CIT: variants seen among roughly 807,000 people sequenced by gnomAD.
The protein encoded by CIT is citron Rho-interacting kinase.
In CIT, 79 loss-of-function variants were observed where a neutral mutation model predicts 272.7. The observed-to-expected ratio is 0.29, with a 90% CI of 0.24 to 0.35. The LOEUF is 0.35. Among genes scored for constraint, CIT ranks in the 10% least tolerant of loss-of-function variants. The pLI is 1.00. For missense variants in CIT, 1,909 were observed against 2,618.3 expected, an observed-to-expected ratio of 0.73 and a Z score of 5.91; for synonymous variants, 948 against 995.6, an observed-to-expected ratio of 0.95 and a Z score of 0.90.
chr12:119,874,253 G>A (rs1432441213), intron 2 of CIT, among the ~76,000 whole-genome samples: 1 of 152,004 alleles, frequency 6.6e-6, no homozygotes, highest in Non-Finnish European at 1.5e-5. Context: ...TATATTTTTA[G>A]TAGAGACAGG....
At position 119,710,337 on chromosome 12, in the gene CIT, T is replaced by G; in HGVS notation, c.4985A>C (p.Lys1662Thr). ...EEGLYALNVL[K>T]NSLTHVPGIG... ...TCCTGGGACATGGGTTAGGGAGTTT[T>G]TCAAGACATTCAGGGCGTAGAGCCC... The change falls in exon 39 of 48, where the codon AAA (lysine) becomes ACA (threonine). Residue 1662 changes from lysine to threonine, a missense_variant. Lys to Thr is a moderately conservative substitution (Grantham distance 78). Transcript: ENST00000392521. The surrounding 1 kb of genome is among the most constrained non-coding windows in gnomAD (Gnocchi z 5.6). The G allele has an allele frequency of 3.1e-6, 5 of 1,614,216 alleles. No homozygotes were observed. Among genetic ancestry groups the G allele is most frequent in the Non-Finnish European group, 4.2e-6 (5 of 1,180,042 alleles).
At chr12:119,706,120 G>A (rs184573983) in intron 40 of CIT, among the ~76,000 whole-genome samples, 3 of 151,630 alleles carry the variant, frequency 2.0e-5, no homozygotes, top group East Asian at 3.9e-4. Context: ...TTGATTGAGC[G>A]GCTGAATGAA....
At chr12:119,780,798 TA>T (rs1593717082) in intron 13 of CIT, among the ~76,000 whole-genome samples, 1 of 152,178 alleles carries the variant, frequency 6.6e-6, no homozygotes, top group Admixed American at 6.5e-5. Flanking sequence ...AGTCATAAAA[TA>T]AATCCTTGTT....
chr12:119,699,442 G>C (rs1956425015), intron 44 of CIT, among the ~76,000 whole-genome samples: 1 of 152,178 alleles, frequency 6.6e-6, no homozygotes, highest in Non-Finnish European at 1.5e-5. Context: ...CTTGTGGCAA[G>C]ACTTGGTATT....
intron 9 of CIT, 79 bp from the exon 10 acceptor site, chr12:119,803,468 G>A: frequency 1.9e-6 from 2 of 1,076,758 alleles, no homozygotes; most frequent in Non-Finnish European, 2.7e-6. Flanking sequence ...GGAGAAGATC[G>A]TCTTACTCCT....
Position 119,832,863 on chromosome 12 carries a change from C to T in CIT, c.661G>A (p.Asp221Asn). The T allele has an allele frequency of 3.1e-6, 5 of 1,612,366 alleles. No individual in the cohort carries two copies. The highest frequency in any genetic ancestry group is 4.2e-6 in the Non-Finnish European group (5 of 1,178,432). Residue 221 changes from aspartate (D) to asparagine (N), a missense_variant and splice_region_variant, in exon 7 of 48, where the codon GAC becomes AAC. This residue lies in a region of CIT where 529 missense variants were observed against 549.6 expected (regional missense o/e 0.96). Transcript: ENST00000392521. Reference protein sequence around the residue: ...SVHLMGYVHRDIKPENILVDR... With the variant: ...SVHLMGYVHRNIKPENILVDR... ...ACGAGAATGTTCTCAGGCTTGATGTCTCTGTAAGAAAATCAGGACCATGAA... is the reference window on the plus strand; with the variant it reads ...ACGAGAATGTTCTCAGGCTTGATGTTTCTGTAAGAAAATCAGGACCATGAA...
intron 17 of CIT, among the ~76,000 whole-genome samples, chr12:119,771,163 G>A (rs1189441954): frequency 6.6e-6 from 1 of 152,184 alleles, no homozygotes; most frequent in Non-Finnish European, 1.5e-5. Context: ...AGGCATCACG[G>A]AAAATACAGA....
rs1955855977 is a variant in CIT, at chr12:119,690,170, G to A, written c.6167C>T (p.Pro2056Leu). Residue 2056 changes from proline (P) to leucine (L), a missense_variant, in exon 47 of 48, where the codon CCG (proline) becomes CTG (leucine). Around this residue, in one of 8 missense-constraint regions of CIT, gnomAD observed 780 missense variants for 1,067.2 expected, o/e 0.73. Coordinates refer to ENST00000392521, the MANE Select transcript of CIT (RefSeq NM_001206999.2). The surrounding 1 kb of genome is among the most constrained non-coding windows in gnomAD (Gnocchi z 6.0). ...GRLPAGAVRT[P>L]LSQVNKVWDQ... ...CCTCACCTTGTTCACCTGGGACAGCGGGGTCCTCACGGCTCCCGCAGGCAG... is the reference window on the plus strand; with the variant it reads ...CCTCACCTTGTTCACCTGGGACAGCAGGGTCCTCACGGCTCCCGCAGGCAG... The A allele has an allele frequency of 5.4e-6, 8 of 1,482,036 alleles. No individual in the cohort carries two copies. The highest frequency in any genetic ancestry group is 7.1e-6 in the Non-Finnish European group (8 of 1,124,564). 91.8% of individuals were successfully genotyped at this position (1,482,036 alleles called of 1,614,324 possible). A position where few individuals can be genotyped will look rare whatever the true frequency, so the allele number is the denominator to read the frequency against.
intron 20 of CIT, among the ~76,000 whole-genome samples, chr12:119,759,251 T>C (rs1156796099): frequency 6.6e-6 from 1 of 152,220 alleles, no homozygotes; most frequent in Non-Finnish European, 1.5e-5. Context: ...CTGCCTGAGC[T>C]CTACCTCCTG....
At chr12:119,860,675 G>A (rs1950309429) in intron 3 of CIT, among the ~76,000 whole-genome samples, 1 of 152,106 alleles carries the variant, frequency 6.6e-6, no homozygotes, top group Non-Finnish European at 1.5e-5. Context: ...TGCACAAGGA[G>A]ACAGACCACG....
intron 20 of CIT, among the ~76,000 whole-genome samples, chr12:119,759,589 T>C (rs913992383): frequency 6.6e-6 from 1 of 151,946 alleles, no homozygotes; most frequent in Admixed American, 6.6e-5. Flanking sequence ...GAGGTTGCAG[T>C]GAGCCGATAT....
At chr12:119,727,526 A>G (rs561134732) in intron 28 of CIT, among the ~76,000 whole-genome samples, 31 of 152,328 alleles carry the variant, frequency 2.0e-4, no homozygotes, top group African/African-American at 6.7e-4. Context: ...CGTGACAGGT[A>G]CACGAAAAGC....
At chr12:119,737,873 A>G (rs1353795925) in intron 24 of CIT, among the ~76,000 whole-genome samples, 1 of 152,162 alleles carries the variant, frequency 6.6e-6, no homozygotes, top group Non-Finnish European at 1.5e-5. Context: ...CCTTGTTTCA[A>G]GTTGCTGGAG....
rs142693117 is a variant in CIT at position 119,743,590 on chromosome 12, T to C, written c.2905-1126A>G. Reference sequence around the variant, plus strand: ...AAACATCAGAATGTGCCTTGAGGAGTAAACATGAGGTCTGTTATAGGAAAC... The same window carrying C: ...AAACATCAGAATGTGCCTTGAGGAGCAAACATGAGGTCTGTTATAGGAAAC... On this transcript the variant is annotated intron_variant, in intron 23 of 47. Transcript: ENST00000392521. 3.9e-4 allele frequency among the ~76,000 whole-genome samples: 60 copies of C among 152,260 alleles called. 1 individual carries two copies. In the East Asian group the frequency reaches 0.011, roughly 28 times the overall value.
intron 32 of CIT, among the ~76,000 whole-genome samples, chr12:119,717,419 C>CTTTTTTTTTTTTTTTTTTTTT (rs60611060): frequency 1.8e-5 from 1 of 54,232 alleles, no homozygotes; most frequent in African/African-American, 5.2e-5. Context: ...CTTTTCTTTT[C>CTTTTTTTTTTTTTTTTTTTTT]TTTTTTTTTT....
intron 26 of CIT, among the ~76,000 whole-genome samples, chr12:119,732,281 G>A (rs2137234195): frequency 6.6e-6 from 1 of 152,310 alleles, no homozygotes; most frequent in South Asian, 2.1e-4. Flanking sequence ...TGAAATGAAA[G>A]CAGACTAATG....
intron 26 of CIT, among the ~76,000 whole-genome samples, chr12:119,733,576 C>T (rs1958593196): frequency 6.6e-6 from 1 of 151,580 alleles, no homozygotes; most frequent in Non-Finnish European, 1.5e-5. Flanking sequence ...TCTTGTACAG[C>T]AGTGGTTCTC....
Position 119,701,828 on chromosome 12 carries a change from C to T in CIT, c.5413+22G>A, listed in dbSNP as rs114315762. 7.5e-4 allele frequency: 1,212 copies of T among 1,613,924 alleles called. 9 individuals carry two copies. In the African/African-American group the frequency reaches 0.013, roughly 18 times the overall value. ...GCGCGGCCTGAGCCATGGGTGGGTG[C>T]GAAAGTGGAGGTGGGTCCTACCCTC... On this transcript the variant is annotated intron_variant, in intron 42 of 47. Coordinates refer to ENST00000392521, the MANE Select transcript of CIT (RefSeq NM_001206999.2).
intron 32 of CIT, among the ~76,000 whole-genome samples, chr12:119,714,884 T>G (rs1324800478): frequency 6.6e-6 from 1 of 152,236 alleles, no homozygotes. Context: ...TACATAAATG[T>G]TCACAGCAGC....
Sources: allele counts gnomAD v4.1 joint callset (sites outside exome capture counted in the v4.1 genomes callset), GRCh38; gene constraint gnomAD v4.1.1; regional missense constraint gnomAD v4.1.1; non-coding constraint Gnocchi (gnomAD v3.1); transcripts MANE v1.5; gene names NCBI Gene and HGNC (gene_info 2026-07-23, HGNC 2026-07-21).